Variants in ATP2A2 observed in about 807,000 individuals in gnomAD.
ATP2A2 encodes sarcoplasmic/endoplasmic reticulum calcium ATPase 2.
A neutral mutation model predicts 109.3 loss-of-function variants in ATP2A2; 14 were observed. That is an observed-to-expected ratio of 0.13 (90% CI 0.08 to 0.20). ATP2A2 has a LOEUF of 0.20. ATP2A2 is among the 10% of genes least tolerant of loss of function. ATP2A2 has a pLI of 1.00. For synonymous variants in ATP2A2, 506 were observed against 490.9 expected, an observed-to-expected ratio of 1.03 and a Z score of -0.41; for missense variants, 657 against 1,321.6, an observed-to-expected ratio of 0.50 and a Z score of 7.80.
intron 4 of ATP2A2, among the ~76,000 whole-genome samples, chr12:110,293,822 A>ATGTGTG (rs1294018981): frequency 7.7e-6 from 1 of 129,838 alleles, no homozygotes; most frequent in African/African-American, 3.3e-5. Flanking sequence ...ATTGTGCCAT[A>ATGTGTG]TATATGTGTG....
In ATP2A2 at chr12:110,291,996, T is replaced by G. The variant is rs1440762624; in HGVS notation, c.220-24T>G. ...TGACATTAAGCCTAAAAAGACACAT[T>G]CTAACGTGCCATTTCTCTTCTAGGT... On this transcript the variant is annotated intron_variant, in intron 3 of 19. Transcript: ENST00000539276. The G allele has an allele frequency of 2.5e-6, 4 of 1,598,018 alleles. No homozygotes were observed. In the African/African-American group the frequency reaches 5.4e-5, roughly 21 times the overall value.
At chr12:110,324,828 CTTT>C (rs1187160769) in intron 6 of ATP2A2, among the ~76,000 whole-genome samples, 1 of 134,418 alleles carries the variant, frequency 7.4e-6, no homozygotes. Context: ...TAATGAAAAT[CTTT>C]TTTTTTTTTT....
chr12:110,347,383 TTCTC>T lies in ATP2A2; in HGVS notation c.*916_*919del, dbSNP rs1310320667. 4.7e-6 allele frequency: 6 copies of T among 1,289,176 alleles called. No individual in the cohort carries two copies. Among genetic ancestry groups the T allele is most frequent in the South Asian group, 3.7e-5 (3 of 81,024 alleles). The allele number at this position is 1,289,176 out of a possible 1,614,324, so 79.9% of individuals were successfully genotyped here. A position where few individuals can be genotyped will look rare whatever the true frequency, so the allele number is the denominator to read the frequency against. On this transcript the variant is annotated 3_prime_UTR_variant, in exon 20 of 20. Transcript: ENST00000539276. ...CTGGGACTAACAGACATGTCCAACT[TTCTC>T]TCCAGTTCTTAGCTCAGAACTTTAG...
intron 4 of ATP2A2, among the ~76,000 whole-genome samples, chr12:110,294,136 C>T (rs993088394): frequency 4.0e-5 from 6 of 151,880 alleles, no homozygotes; most frequent in East Asian, 3.9e-4. Context: ...CTCCGCCTCC[C>T]GGGCTCACGC....
At position 110,350,673 on chromosome 12, in the gene ATP2A2, A is replaced by G. The variant is rs114474435; in HGVS notation, c.*4203A>G. 758 of 310,506 alleles carry G rather than the reference A, an allele frequency of 2.4e-3. 1 individual carries two copies. The highest frequency in any genetic ancestry group is 6.7e-3 in the African/African-American group (314 of 47,048). 19.2% of individuals were successfully genotyped at this position (310,506 alleles called of 1,614,324 possible). A position where few individuals can be genotyped will look rare whatever the true frequency, so the allele number is the denominator to read the frequency against. On this transcript the variant is annotated 3_prime_UTR_variant, in exon 20 of 20. Coordinates refer to ENST00000539276, the MANE Select transcript of ATP2A2 (RefSeq NM_170665.4). ...AGCTTATATAAATGTACAGTATTCA[A>G]TTGTAATGCATGCCTTCGGTTGTAA... is the stretch of plus-strand genomic sequence containing the variant.
At chr12:110,305,645 C>T (rs1367970739) in intron 5 of ATP2A2, among the ~76,000 whole-genome samples, 3 of 152,220 alleles carry the variant, frequency 2.0e-5, no homozygotes, top group African/African-American at 4.8e-5. Context: ...AGCTAGCTGT[C>T]GTTTTGTATT....
intron 3 of ATP2A2, among the ~76,000 whole-genome samples, chr12:110,289,267 C>G (rs1343865058): frequency 6.6e-6 from 1 of 152,160 alleles, no homozygotes; most frequent in Admixed American, 6.6e-5. Flanking sequence ...TCAAGTTGAG[C>G]GATTTTTCTC....
chr12:110,318,886 G>A (rs1217800520), intron 5 of ATP2A2, among the ~76,000 whole-genome samples: 22 of 152,130 alleles, frequency 1.4e-4, no homozygotes, highest in Admixed American at 1.4e-3. Context: ...CCAAGTGTTG[G>A]GAGGCTTTGG....
Position 110,348,879 on chromosome 12 carries a change from C to T in ATP2A2, c.*2409C>T. On this transcript the variant is annotated 3_prime_UTR_variant, in exon 20 of 20. Coordinates refer to ENST00000539276, the MANE Select transcript of ATP2A2 (RefSeq NM_170665.4). ...TTGAATGGGCCAAATGCAAGGAGTG[C>T]ATCTCTGGGCTGCAAACTGACTTGA... The T allele has an allele frequency of 2.0e-6, 2 of 985,424 alleles. No homozygotes were observed. The highest frequency in any genetic ancestry group is 3.5e-5 in the African/African-American group (2 of 57,350). The allele number at this position is 985,424 out of a possible 1,614,324, so 61.0% of individuals were successfully genotyped here.
chr12:110,287,701 A>G (rs1592789842), intron 3 of ATP2A2, among the ~76,000 whole-genome samples: 1 of 151,088 alleles, frequency 6.6e-6, no homozygotes, highest in South Asian at 2.1e-4. Context: ...TGCAACCTCC[A>G]CCTCCCAGCT....
In ATP2A2 at chr12:110,292,005, C is replaced by T. The variant is rs745438262; in HGVS notation, c.220-15C>T. On this transcript the variant is annotated splice_polypyrimidine_tract_variant and intron_variant, in intron 3 of 19. Transcript: ENST00000539276. ...GCCTAAAAAGACACATTCTAACGTG[C>T]CATTTCTCTTCTAGGTTTTGGCTTG... 2 of 1,603,748 alleles carry T rather than the reference C, an allele frequency of 1.2e-6. No individual in the cohort carries two copies. The highest frequency in any genetic ancestry group is 1.7e-6 in the Non-Finnish European group (2 of 1,170,622).
At chr12:110,286,629 A>T (rs986876327) in intron 3 of ATP2A2, among the ~76,000 whole-genome samples, 1 of 151,918 alleles carries the variant, frequency 6.6e-6, no homozygotes, top group Non-Finnish European at 1.5e-5. Context: ...CTCCCCCAGA[A>T]ATTATCGTAA....
chr12:110,303,474 G>T (rs528137812), intron 5 of ATP2A2, among the ~76,000 whole-genome samples: 87 of 152,202 alleles, frequency 5.7e-4, no homozygotes, highest in Non-Finnish European at 1.0e-3. Flanking sequence ...GCAGTGGCAT[G>T]ATCTTGGCTC....
chr12:110,291,586 T>G (rs1873301126), intron 3 of ATP2A2, among the ~76,000 whole-genome samples: 1 of 152,078 alleles, frequency 6.6e-6, no homozygotes, highest in Non-Finnish European at 1.5e-5. Context: ...CTACCGTTTA[T>G]TTCTAGAGAA....
At chr12:110,293,385 T>TTTTTG (rs1873554435) in intron 4 of ATP2A2, among the ~76,000 whole-genome samples, 1 of 114,382 alleles carries the variant, frequency 8.7e-6, no homozygotes, top group African/African-American at 3.8e-5. Context: ...TTTTTTTTTT[T>TTTTTG]TTTGTTTGTT....
chr12:110,340,052 G>A lies in ATP2A2; in HGVS notation c.1761+331G>A, dbSNP rs1322024599. Among the ~76,000 whole-genome samples the A allele has an allele frequency of 1.3e-5, 2 of 152,056 alleles. No individual in the cohort carries two copies. The highest frequency in any genetic ancestry group is 2.4e-5 in the African/African-American group (1 of 41,370). Reference sequence around the variant, plus strand: ...ATTTCTAGAATATTCATTAGTTACTGAAGGTCAAAAGATCCAAGTTGGAGA... The same window carrying A: ...ATTTCTAGAATATTCATTAGTTACTAAAGGTCAAAAGATCCAAGTTGGAGA... On this transcript the variant is annotated intron_variant, in intron 13 of 19. Transcript: ENST00000539276. This position sits in a 1 kb window ranked among gnomAD's most constrained non-coding sequence, Gnocchi z 6.0.
chr12:110,347,335 T>G lies in ATP2A2; in HGVS notation c.*865T>G, dbSNP rs1592871279. ...TGGACAGAGAAAAATAACTGTCTTG[T>G]CTTTAACTCGTAAGTGGCTTACCTG... is the stretch of plus-strand genomic sequence containing the variant. On this transcript the variant is annotated 3_prime_UTR_variant, in exon 20 of 20. Transcript: ENST00000539276. 3.1e-6 allele frequency: 4 copies of G among 1,286,370 alleles called. No homozygotes were observed. In the East Asian group the frequency reaches 2.2e-4, roughly 72 times the overall value. 79.7% of individuals were successfully genotyped at this position (1,286,370 alleles called of 1,614,324 possible).
chr12:110,335,582 G>A (rs936184891), intron 11 of ATP2A2, among the ~76,000 whole-genome samples: 2 of 152,258 alleles, frequency 1.3e-5, no homozygotes, highest in African/African-American at 4.8e-5. Context: ...CCTGGCCAAA[G>A]TGGTAGATGA....
intron 3 of ATP2A2, 75 bp downstream of exon 3, chr12:110,282,870 A>G (rs1021243729): frequency 8.1e-7 from 1 of 1,231,926 alleles, no homozygotes; most frequent in African/African-American, 1.5e-5. Context: ...AAAACAAATG[A>G]TGTCCATTGG....
Sources: gnomAD v4.1 joint callset for allele counts (sites outside exome capture counted in the v4.1 genomes callset) on GRCh38, gnomAD v4.1.1 for gene constraint, Gnocchi (gnomAD v3.1) non-coding constraint, MANE v1.5 for transcripts, NCBI Gene and HGNC (gene_info 2026-07-23, HGNC 2026-07-21) for gene names.